The following HARBI1 variants were observed in gnomAD, a reference collection of about 807,000 sequenced individuals.
HARBI1 encodes putative nuclease HARBI1.
HARBI1 carries 15 observed loss-of-function variants against 25.3 expected under a neutral mutation model. The ratio of observed to expected loss-of-function variants is 0.59; its 90% CI spans 0.40 to 0.91. The LOEUF is 0.91. Ranked by LOEUF, HARBI1 falls within the 40% of genes least tolerant of loss-of-function variation. The probability of loss-of-function intolerance (pLI) is 0.00; values close to 1 mark genes in which losing one functional copy is unlikely to be tolerated. For synonymous variants in HARBI1, 168 were observed against 160.5 expected (o/e 1.05, Z -0.35); for missense variants, 396 against 445.8 (o/e 0.89, Z 1.01).
intron 2 of HARBI1, among the ~76,000 whole-genome samples, chr11:46,615,061 C>A (rs1031893910): frequency 6.8e-6 from 1 of 146,592 alleles, no homozygotes; most frequent in South Asian, 2.2e-4. Context: ...TGCAGGCATG[C>A]GCTACTACGC....
chr11:46,609,177 G>A (rs566728213), intron 2 of HARBI1, among the ~76,000 whole-genome samples: 1 of 151,948 alleles, frequency 6.6e-6, no homozygotes, highest in Admixed American at 6.6e-5. Flanking sequence ...GCCCGCCTTG[G>A]CCTCCAAAAG....
Position 46,603,211 on chromosome 11 carries a change from C to T in HARBI1, c.*319G>A. The T allele has an allele frequency of 5.7e-6, 1 of 175,150 alleles. No individual in the cohort carries two copies. The highest frequency in any genetic ancestry group is 1.2e-5 in the Non-Finnish European group (1 of 83,086). 10.8% of individuals were successfully genotyped at this position (175,150 alleles called of 1,614,324 possible). On this transcript the variant is annotated 3_prime_UTR_variant, in exon 3 of 3. Coordinates refer to ENST00000326737, the MANE Select transcript of HARBI1 (RefSeq NM_173811.4). ...TTGGCCAGGCTGGTCTTGTCTTGAA[C>T]TCCTGACCTTTACTATGACTTTGTA...
chr11:46,615,595 C>A lies in HARBI1; in HGVS notation c.643G>T (p.Gly215Cys), dbSNP rs2045353207. ...AGAAGCCAGCTATCTTTGTGCATAC[C>A]CGCTTCAAACTGACTACTGAGGGAA... ...QSSLSSQFEAGMHKDSWLLGD... is the reference protein window; with the variant it reads ...QSSLSSQFEACMHKDSWLLGD... Residue 215 changes from glycine (G) to cysteine (C), a missense_variant, in exon 2 of 3, where the codon GGT (glycine) becomes TGT (cysteine). By Grantham distance (159) the Gly-to-Cys change is radical (BLOSUM62 -3). Transcript: ENST00000326737. 1 of 1,613,924 alleles carries A rather than the reference C, an allele frequency of 6.2e-7. No homozygotes were observed. Among genetic ancestry groups the A allele is most frequent in the Non-Finnish European group, 8.5e-7 (1 of 1,179,962 alleles).
intron 1 of HARBI1, 36 bp from the exon 2 acceptor site, chr11:46,616,417 C>G: frequency 7.1e-7 from 1 of 1,416,220 alleles, no homozygotes; most frequent in Non-Finnish European, 9.2e-7. Flanking sequence ...TAGGAACCTA[C>G]CAAAGACTTT....
chr11:46,611,990 A>G (rs912387160), intron 2 of HARBI1, among the ~76,000 whole-genome samples: 18 of 151,032 alleles, frequency 1.2e-4, no homozygotes, highest in African/African-American at 3.9e-4. Flanking sequence ...AAGCTCCAGG[A>G]TATTACACGT....
chr11:46,616,025 T>C lies in HARBI1; in HGVS notation c.213A>G (p.Thr71=), dbSNP rs1161277735. Reference sequence around the variant, plus strand: ...AAAAACCCAATGCTGCAAGGACCTGTGTCTCTGGGCTAATAGCCCTGGATC... The same window carrying C: ...AAAAACCCAATGCTGCAAGGACCTGCGTCTCTGGGCTAATAGCCCTGGATC... The part of the protein sequence containing the change: ...TQRSRAISPE[T]QVLAALGFYT... Residue 71 remains threonine (T), a synonymous_variant, in exon 2 of 3, where the codon ACA becomes ACG. Transcript: ENST00000326737. 6.2e-7 allele frequency: 1 copy of C among 1,614,218 alleles called. No individual in the cohort carries two copies. Among genetic ancestry groups the C allele is most frequent in the Non-Finnish European group, 8.5e-7 (1 of 1,180,044 alleles).
intron 2 of HARBI1, among the ~76,000 whole-genome samples, chr11:46,615,070 G>A (rs529373918): frequency 2.2e-4 from 34 of 151,734 alleles, no homozygotes; most frequent in Non-Finnish European, 2.5e-4. Flanking sequence ...GCGCTACTAC[G>A]CCCGGCTAAT....
intron 1 of HARBI1, 139 bp from the exon 2 acceptor site, chr11:46,616,520 C>T (rs1370728654): frequency 8.3e-7 from 1 of 1,204,426 alleles, no homozygotes; most frequent in African/African-American, 1.6e-5. Context: ...GATTTTTCTC[C>T]ACTAACTCAT....
chr11:46,615,539 A>C, intron 2 of HARBI1, 29 bp downstream of exon 2: 1 of 1,599,986 alleles, frequency 6.3e-7, no homozygotes, highest in South Asian at 1.1e-5. Flanking sequence ...GCCTCCAAAC[A>C]AAATGAAAAT....
intron 2 of HARBI1, among the ~76,000 whole-genome samples, chr11:46,614,346 C>T (rs1254356005): frequency 1.3e-5 from 2 of 151,970 alleles, no homozygotes; most frequent in East Asian, 3.9e-4. Context: ...ATTGCTTGAA[C>T]CTGGGAGGCG....
intron 2 of HARBI1, among the ~76,000 whole-genome samples, chr11:46,614,456 G>T (rs909633927): frequency 1.2e-4 from 18 of 151,692 alleles, no homozygotes; most frequent in African/African-American, 3.6e-4. Context: ...TTTTTTTTAC[G>T]TTGGTGTGGT....
At chr11:46,610,311 C>T (rs1053778445) in intron 2 of HARBI1, among the ~76,000 whole-genome samples, 1 of 150,058 alleles carries the variant, frequency 6.7e-6, no homozygotes, top group Non-Finnish European at 1.5e-5. Context: ...CAGAGTGAGA[C>T]CCTGTTTCAA....
intron 2 of HARBI1, 83 bp downstream of exon 2, chr11:46,615,485 G>T: frequency 8.8e-7 from 1 of 1,137,670 alleles, no homozygotes; most frequent in Non-Finnish European, 1.3e-6. Flanking sequence ...CCAAAGTGCT[G>T]GGGTTGTGTG....
intron 2 of HARBI1, among the ~76,000 whole-genome samples, chr11:46,612,139 G>C (rs1479889007): frequency 6.6e-6 from 1 of 152,180 alleles, no homozygotes; most frequent in African/African-American, 2.4e-5. Flanking sequence ...TGTGCAATGA[G>C]CATGTGCAGT....
chr11:46,606,870 G>A (rs952391048), intron 2 of HARBI1, among the ~76,000 whole-genome samples: 10 of 152,106 alleles, frequency 6.6e-5, no homozygotes, highest in Non-Finnish European at 1.3e-4. Flanking sequence ...CTGAACTCCT[G>A]GCCTCAAGCA....
intron 2 of HARBI1, among the ~76,000 whole-genome samples, chr11:46,608,003 A>C (rs534644520): frequency 1.3e-5 from 2 of 151,936 alleles, no homozygotes; most frequent in South Asian, 4.2e-4. Flanking sequence ...TTGTTTCTTA[A>C]AATACAATTA....
In HARBI1 at chr11:46,615,995, G is replaced by A. The variant is rs1182393822; in HGVS notation, c.243C>T (p.Thr81=). 3.7e-6 allele frequency: 6 copies of A among 1,614,064 alleles called. No individual in the cohort carries two copies. The highest frequency in any genetic ancestry group is 2.2e-5 in the South Asian group (2 of 91,086). The change falls in exon 2 of 3, where the codon ACC becomes ACT. Residue 81 remains threonine (T), a synonymous_variant. Transcript: ENST00000326737. ...TQVLAALGFY[T]SGSFQTRMGD... The stretch of plus-strand genomic sequence containing the variant: ...CCATCCGAGTCTGGAAGGAACCTGA[G>A]GTATAAAAACCCAATGCTGCAAGGA...
In HARBI1 at chr11:46,617,209, G is replaced by C. The variant is rs565018957; in HGVS notation, c.-230C>G. 6.1e-6 allele frequency: 1 copy of C among 163,610 alleles called. No individual in the cohort carries two copies. Among genetic ancestry groups the C allele is most frequent in the Non-Finnish European group, 1.3e-5 (1 of 78,410 alleles). 10.1% of individuals were successfully genotyped at this position (163,610 alleles called of 1,614,324 possible). A position where few individuals can be genotyped will look rare whatever the true frequency, so the allele number is the denominator to read the frequency against. ...CCTCCGGAACCGGCGACTGCACAGA[G>C]GCCGCCACGGCGCGCAACAGCGGCA... On this transcript the variant is annotated 5_prime_UTR_variant, in exon 1 of 3. Transcript: ENST00000326737.
intron 2 of HARBI1, among the ~76,000 whole-genome samples, chr11:46,613,348 T>C (rs1436104265): frequency 2.0e-5 from 3 of 152,098 alleles, no homozygotes; most frequent in Admixed American, 2.0e-4. Flanking sequence ...ATCCCCACAA[T>C]AGATATTACT....
Sources: allele counts gnomAD v4.1 joint callset (sites outside exome capture counted in the v4.1 genomes callset), GRCh38; gene constraint gnomAD v4.1.1; transcripts MANE v1.5; gene names NCBI Gene and HGNC (gene_info 2026-07-23, HGNC 2026-07-21).